Variants in NOVA2 observed in about 807,000 individuals in gnomAD.
The protein encoded by NOVA2 is NOVA alternative splicing regulator 2, also known as RNA-binding protein Nova-2.
A neutral mutation model predicts 22.5 loss-of-function variants in NOVA2; 9 were observed. The observed-to-expected ratio is 0.40, with a 90% CI of 0.24 to 0.70. The LOEUF is 0.70. Among genes scored for constraint, NOVA2 ranks in the 30% least tolerant of loss-of-function variants. The pLI is 0.38. For missense variants in NOVA2, 383 were observed against 682.8 expected (o/e 0.56, Z 4.89); for synonymous variants, 318 against 335.2 (o/e 0.95, Z 0.56).
At chr19:45,971,718 C>G (rs185150781) in intron 1 of NOVA2, among the ~76,000 whole-genome samples, 369 of 152,240 alleles carry the variant, frequency 2.4e-3, no homozygotes, top group Non-Finnish European at 3.8e-3. Context: ...CTCTCCCATC[C>G]GGAGGAAAAG....
Position 45,934,603 on chromosome 19 carries a change from G to A in NOVA2, c.*5260C>T, listed in dbSNP as rs1250094274. ...GTGGGCCATGCCTCCAGTGGCCTGA[G>A]ATGCCAACATAAAGAAAAGAAAAAT... On this transcript the variant is annotated 3_prime_UTR_variant, in exon 4 of 4. Transcript: ENST00000263257. 1.3e-5 allele frequency: 2 copies of A among 152,172 alleles called. No homozygotes were observed. The highest frequency in any genetic ancestry group is 2.4e-5 in the African/African-American group (1 of 41,382). 9.4% of individuals were successfully genotyped at this position (152,172 alleles called of 1,614,324 possible).
In NOVA2 at chr19:45,944,789, G is replaced by T. The variant is rs956396767; in HGVS notation, c.397-3844C>A. Among the ~76,000 whole-genome samples, 3 of 152,212 alleles carry T rather than the reference G, an allele frequency of 2.0e-5. No individual in the cohort carries two copies. In the East Asian group the frequency reaches 5.8e-4, roughly 29 times the overall value. On this transcript the variant is annotated intron_variant, in intron 3 of 3. Transcript: ENST00000263257. The stretch of plus-strand genomic sequence containing the variant: ...TGGTTGCCAGGGAATGGGAGGAAGG[G>T]GATTGGGGGTAACTGCCTACAGGCA...
At chr19:45,944,355 T>C (rs1369966425) in intron 3 of NOVA2, among the ~76,000 whole-genome samples, 2 of 152,058 alleles carry the variant, frequency 1.3e-5, no homozygotes, top group Non-Finnish European at 2.9e-5. Flanking sequence ...GGTGGGAGGA[T>C]CACTTGAGCC....
At chr19:45,950,567 A>G (rs1180506240) in intron 3 of NOVA2, among the ~76,000 whole-genome samples, 2 of 152,250 alleles carry the variant, frequency 1.3e-5, no homozygotes, top group Non-Finnish European at 2.9e-5. Flanking sequence ...TTGTAGAACT[A>G]CAGCATCTTA....
chr19:45,949,737 TTG>T (rs1383454584), intron 3 of NOVA2, among the ~76,000 whole-genome samples: 37 of 120,828 alleles, frequency 3.1e-4, no homozygotes, highest in African/African-American at 8.9e-4. Flanking sequence ...AAATCGTAGG[TTG>T]TTTTTTTTTT....
chr19:45,956,277 C>T (rs1474430285), intron 2 of NOVA2, among the ~76,000 whole-genome samples: 3 of 152,072 alleles, frequency 2.0e-5, no homozygotes, highest in Non-Finnish European at 4.4e-5. Flanking sequence ...GTGGATGCCC[C>T]AGGAAGAGCT....
In NOVA2 at chr19:45,944,928, C is replaced by T. The variant is rs545280773; in HGVS notation, c.397-3983G>A. Reference sequence around the variant, plus strand: ...TCCAGAATAGGCAAATCTATAGACACAGAAAGTAGATTTGTGGTGGCTTGG... The same window carrying T: ...TCCAGAATAGGCAAATCTATAGACATAGAAAGTAGATTTGTGGTGGCTTGG... On this transcript the variant is annotated intron_variant, in intron 3 of 3. Coordinates refer to ENST00000263257, the MANE Select transcript of NOVA2 (RefSeq NM_002516.4). 4.6e-5 allele frequency among the ~76,000 whole-genome samples: 7 copies of T among 152,228 alleles called. No homozygotes were observed. In the South Asian group the frequency reaches 1.5e-3, roughly 32 times the overall value.
chr19:45,953,767 T>C lies in NOVA2; in HGVS notation c.396+13A>G, dbSNP rs763624470. On this transcript the variant is annotated intron_variant, in intron 3 of 3. Transcript: ENST00000263257. ...AACAGCTTTACAGCAACCCAGTCTCTGCCCCAGCTGACCTGCTTGGCTCTG... is the reference window on the plus strand; with the variant it reads ...AACAGCTTTACAGCAACCCAGTCTCCGCCCCAGCTGACCTGCTTGGCTCTG... The C allele has an allele frequency of 6.2e-7, 1 of 1,614,152 alleles. No homozygotes were observed. Among genetic ancestry groups the C allele is most frequent in the South Asian group, 1.1e-5 (1 of 91,078 alleles).
intron 1 of NOVA2, among the ~76,000 whole-genome samples, chr19:45,965,900 G>A (rs1333584014): frequency 2.0e-5 from 3 of 152,158 alleles, no homozygotes; most frequent in East Asian, 3.8e-4. Flanking sequence ...AAGGTACTTC[G>A]GATGGTCCCA....
At chr19:45,970,402 G>T (rs1453613632) in intron 1 of NOVA2, among the ~76,000 whole-genome samples, 1 of 148,070 alleles carries the variant, frequency 6.8e-6, no homozygotes, top group Admixed American at 6.8e-5. Context: ...TTGAGATGGC[G>T]TTTCGCTCTG....
intron 3 of NOVA2, among the ~76,000 whole-genome samples, chr19:45,944,255 A>G (rs1967804736): frequency 6.6e-6 from 1 of 152,074 alleles, no homozygotes; most frequent in Non-Finnish European, 1.5e-5. Flanking sequence ...CAGCCTGGGC[A>G]TCATGATGAA....
intron 3 of NOVA2, among the ~76,000 whole-genome samples, chr19:45,950,648 A>G (rs1323279411): frequency 6.6e-6 from 1 of 152,192 alleles, no homozygotes; most frequent in African/African-American, 2.4e-5. Context: ...ATCTTAGATA[A>G]TACATGCTTA....
At chr19:45,963,911 T>C (rs1207511144) in intron 1 of NOVA2, among the ~76,000 whole-genome samples, 1 of 152,148 alleles carries the variant, frequency 6.6e-6, no homozygotes, top group Non-Finnish European at 1.5e-5. Flanking sequence ...ACCCCAAAGA[T>C]AGGATGAATC....
rs1335876461 is a variant in NOVA2 at position 45,959,706 on chromosome 19, G to A, written c.229+1304C>T. On this transcript the variant is annotated intron_variant, in intron 2 of 3. Coordinates refer to ENST00000263257, the MANE Select transcript of NOVA2 (RefSeq NM_002516.4). ...GCGGGGTGGATGGTGGAGAGAGAGAGAGAGAGAAGAGGAGAGAAGATAGAG... is the reference window on the plus strand; with the variant it reads ...GCGGGGTGGATGGTGGAGAGAGAGAAAGAGAGAAGAGGAGAGAAGATAGAG... 1.7e-4 allele frequency among the ~76,000 whole-genome samples: 25 copies of A among 151,392 alleles called. No homozygotes were observed. In the Admixed American group the frequency reaches 1.7e-3, roughly 10 times the overall value.
chr19:45,949,965 T>C (rs1967899329), intron 3 of NOVA2, among the ~76,000 whole-genome samples: 1 of 151,946 alleles, frequency 6.6e-6, no homozygotes, highest in Admixed American at 6.6e-5. Context: ...GGTCTTGAAC[T>C]CCTGGCCTCA....
In NOVA2 at chr19:45,938,859, G is replaced by A. The variant is rs1343281566; in HGVS notation, c.*1004C>T. On this transcript the variant is annotated 3_prime_UTR_variant, in exon 4 of 4. Transcript: ENST00000263257. ...TCAGCCTAATGACATCACAGGACGT[G>A]ACCTCTAGGCATCACCGGAAGTACA... 6.6e-6 allele frequency: 1 copy of A among 152,202 alleles called. No homozygotes were observed. Among genetic ancestry groups the A allele is most frequent in the Non-Finnish European group, 1.5e-5 (1 of 68,048 alleles). 9.4% of individuals were successfully genotyped at this position (152,202 alleles called of 1,614,324 possible).
rs1473969914 is a variant in NOVA2, at chr19:45,969,599, G to A, written c.85+3668C>T. On this transcript the variant is annotated intron_variant, in intron 1 of 3. Transcript: ENST00000263257. Reference sequence around the variant, plus strand: ...TACGTTGAGGGTGTGAGATATGTATGTATGTCTGTATATGGGTTTTTATTT... The same window carrying A: ...TACGTTGAGGGTGTGAGATATGTATATATGTCTGTATATGGGTTTTTATTT... 2.7e-5 allele frequency among the ~76,000 whole-genome samples: 4 copies of A among 149,294 alleles called. No homozygotes were observed. In the East Asian group the frequency reaches 5.9e-4, roughly 22 times the overall value.
At chr19:45,972,154 A>G (rs1968240747) in intron 1 of NOVA2, among the ~76,000 whole-genome samples, 1 of 151,806 alleles carries the variant, frequency 6.6e-6, no homozygotes, top group South Asian at 2.1e-4. Context: ...GTGCCCTGTC[A>G]CATGGGGACC....
At chr19:45,943,134 A>G (rs1482102005) in intron 3 of NOVA2, among the ~76,000 whole-genome samples, 3 of 150,022 alleles carry the variant, frequency 2.0e-5, no homozygotes, top group East Asian at 4.0e-4. Flanking sequence ...GCTCACTGCA[A>G]TCTCCACCTC....
Sources: allele counts gnomAD v4.1 joint callset (sites outside exome capture counted in the v4.1 genomes callset), GRCh38; gene constraint gnomAD v4.1.1; transcripts MANE v1.5; gene names NCBI Gene and HGNC (gene_info 2026-07-23, HGNC 2026-07-21).